The following ASIC2 variants were observed in gnomAD, a reference collection of about 807,000 sequenced individuals.
ASIC2 encodes acid-sensing ion channel 2.
A neutral mutation model predicts 57.3 loss-of-function variants in ASIC2; 25 were observed. That is an observed-to-expected ratio of 0.44 (90% confidence interval 0.32 to 0.61). The LOEUF is 0.61. Ranked by LOEUF, ASIC2 falls within the 20% of genes least tolerant of loss-of-function variation. The pLI is 0.06. For synonymous variants in ASIC2, 319 were observed against 307.5 expected (o/e 1.04, Z -0.39); for missense variants, 641 against 738.1 (o/e 0.87, Z 1.52).
At chr17:33,784,479 A>G (rs767283486) in intron 1 of ASIC2, among the ~76,000 whole-genome samples, 37 of 152,316 alleles carry the variant, frequency 2.4e-4, no homozygotes, top group Non-Finnish European at 5.0e-4. Flanking sequence ...ATGCTGTTCA[A>G]TAGAAATATT....
At chr17:34,012,918 C>A (rs1182782204) in intron 1 of ASIC2, among the ~76,000 whole-genome samples, 3 of 152,154 alleles carry the variant, frequency 2.0e-5, no homozygotes, top group Non-Finnish European at 4.4e-5. Context: ...GTTGCCATGA[C>A]AACAGAAAGC....
chr17:33,533,370 A>G (rs960397594), intron 1 of ASIC2: 7 of 152,164 alleles, frequency 4.6e-5, no homozygotes, highest in African/African-American at 1.7e-4. Context: ...TTGTTTCAGT[A>G]TGCTCTTCCT....
intron 1 of ASIC2, among the ~76,000 whole-genome samples, chr17:33,621,354 A>G (rs1008661438): frequency 6.6e-6 from 1 of 152,248 alleles, no homozygotes; most frequent in Non-Finnish European, 1.5e-5. Flanking sequence ...TATTAGATGC[A>G]TAAAGAAACA....
intron 1 of ASIC2, among the ~76,000 whole-genome samples, chr17:34,131,898 C>G (rs1911980074): frequency 6.6e-6 from 1 of 152,198 alleles, no homozygotes; most frequent in Admixed American, 6.5e-5. Context: ...TTGGGTCTAG[C>G]TTCTCCATTC....
chr17:33,276,447 A>T (rs1904708318), intron 1 of ASIC2, among the ~76,000 whole-genome samples: 1 of 152,200 alleles, frequency 6.6e-6, no homozygotes. Context: ...CCTTAATTGA[A>T]GACTTTCTCG....
intron 1 of ASIC2, among the ~76,000 whole-genome samples, chr17:33,172,422 G>A (rs1409719472): frequency 2.6e-5 from 4 of 152,222 alleles, no homozygotes; most frequent in African/African-American, 9.6e-5. Context: ...CAGATGGGCA[G>A]CTCACAAAAC....
chr17:33,842,287 A>G (rs745714451), intron 1 of ASIC2, among the ~76,000 whole-genome samples: 14 of 152,160 alleles, frequency 9.2e-5, no homozygotes, highest in Non-Finnish European at 1.3e-4. Flanking sequence ...GGATGGGGCC[A>G]TGGGGATGGT....
intron 1 of ASIC2, among the ~76,000 whole-genome samples, chr17:34,012,189 T>A (rs1178519558): frequency 6.6e-6 from 1 of 151,992 alleles, no homozygotes; most frequent in Non-Finnish European, 1.5e-5. Flanking sequence ...CCTGAACACC[T>A]CATTGATGAG....
intron 1 of ASIC2, among the ~76,000 whole-genome samples, chr17:33,270,506 A>G (rs1904441647): frequency 6.6e-6 from 1 of 152,216 alleles, no homozygotes; most frequent in Admixed American, 6.5e-5. Context: ...CATCATCTAA[A>G]TGGAGTCCCA....
intron 1 of ASIC2, among the ~76,000 whole-genome samples, chr17:33,411,946 C>T (rs115706921): frequency 0.013 from 1,907 of 151,946 alleles, 39 homozygotes; most frequent in African/African-American, 0.043. Flanking sequence ...AGTAGCCATC[C>T]GAAAATATTT....
chr17:33,206,601 C>T (rs1907069360), intron 1 of ASIC2, among the ~76,000 whole-genome samples: 1 of 152,130 alleles, frequency 6.6e-6, no homozygotes, highest in African/African-American at 2.4e-5. Context: ...GGGCTGTCTT[C>T]CGCTTTCTAT....
At chr17:33,248,940 C>T (rs188901407) in intron 1 of ASIC2, among the ~76,000 whole-genome samples, 89 of 152,200 alleles carry the variant, frequency 5.8e-4, no homozygotes, top group African/African-American at 2.1e-3. Context: ...TTTTGGGGTC[C>T]ATGACCCAGC....
intron 1 of ASIC2, among the ~76,000 whole-genome samples, chr17:33,220,796 C>T (rs568389935): frequency 3.3e-5 from 5 of 152,212 alleles, no homozygotes; most frequent in South Asian, 2.1e-4. Context: ...GGCCAGGCGC[C>T]GTGGCTCATA....
At chr17:33,471,124 T>C (rs1188461650) in intron 1 of ASIC2, among the ~76,000 whole-genome samples, 1 of 152,198 alleles carries the variant, frequency 6.6e-6, no homozygotes, top group Non-Finnish European at 1.5e-5. Context: ...TGTGGATAGA[T>C]TCAGACAATG....
At position 33,841,369 on chromosome 17, in the gene ASIC2, A is replaced by AT. The variant is rs200676416; in HGVS notation, c.555+314608dup. Among the ~76,000 whole-genome samples, 257 of 150,928 alleles carry AT rather than the reference A, an allele frequency of 1.7e-3. 1 individual carries two copies. Among genetic ancestry groups the AT allele is most frequent in the Middle Eastern group, 7.0e-3 (2 of 286 alleles). ...TGAGATTACTTAAATGCACTGTTTA[A>AT]TTTTTTTTTTCAATAAAAGTCTAAA... On this transcript the variant is annotated intron_variant, in intron 1 of 9. Coordinates refer to the ASIC2 transcript ENST00000359872.
chr17:33,312,136 T>A (rs1368441011), intron 1 of ASIC2, among the ~76,000 whole-genome samples: 1 of 152,230 alleles, frequency 6.6e-6, no homozygotes, highest in Non-Finnish European at 1.5e-5. Flanking sequence ...TTATCTTTAA[T>A]GTGGAGTTAA....
intron 1 of ASIC2, among the ~76,000 whole-genome samples, chr17:33,165,361 A>G (rs146633390): frequency 2.0e-4 from 30 of 152,306 alleles, no homozygotes; most frequent in African/African-American, 5.8e-4. Context: ...AAGTGCCTCA[A>G]TGCTTATAAG....
At chr17:33,321,142 G>A (rs1230337752) in intron 1 of ASIC2, among the ~76,000 whole-genome samples, 1 of 152,040 alleles carries the variant, frequency 6.6e-6, no homozygotes, top group Non-Finnish European at 1.5e-5. Flanking sequence ...ACTTTAGCAG[G>A]GTCGTGCTTG....
rs555832437 is a variant in ASIC2 at position 33,183,381 on chromosome 17, A to C, written c.709-71314T>G. ...GGAGTTAATGAAAAAATTACAATACATAATAAGCCTGCAGAATGCAAGCGT... is the reference window on the plus strand; with the variant it reads ...GGAGTTAATGAAAAAATTACAATACCTAATAAGCCTGCAGAATGCAAGCGT... On this transcript the variant is annotated intron_variant, in intron 1 of 9. Transcript: ENST00000225823. 1.6e-4 allele frequency among the ~76,000 whole-genome samples: 25 copies of C among 152,370 alleles called. No homozygotes were observed. The South Asian group carries it at 5.2e-3, about 32-fold the overall frequency.
Sources: allele counts gnomAD v4.1 joint callset (sites outside exome capture counted in the v4.1 genomes callset), GRCh38; gene constraint gnomAD v4.1.1; transcripts MANE v1.5; gene names NCBI Gene and HGNC (gene_info 2026-07-23, HGNC 2026-07-21).